The following PRR5 variants were observed in gnomAD, a reference collection of about 807,000 sequenced individuals.
PRR5 encodes the protein proline rich 5, also known as proline-rich protein 5.
Under a neutral mutation model 30.6 loss-of-function variants are expected in PRR5, and 25 were observed. That is an observed-to-expected ratio of 0.82 (90% CI 0.60 to 1.14). The LOEUF (loss-of-function observed/expected upper bound fraction) is 1.14, where lower values mean the gene tolerates loss of function less well. PRR5 is among the 50% of genes most tolerant of loss of function. The pLI is 0.00. For missense variants in PRR5, 600 were observed against 547.1 expected, an observed-to-expected ratio of 1.10 and a Z score of -0.96; for synonymous variants, 286 against 247.1, an observed-to-expected ratio of 1.16 and a Z score of -1.48.
intron 7 of PRR5, 139 bp downstream of exon 7, chr22:44,735,301 A>G: frequency 2.4e-6 from 3 of 1,276,396 alleles, no homozygotes; most frequent in South Asian, 3.0e-5. Flanking sequence ...AGCAGCCCCC[A>G]GCCTGCCATA....
At chr22:44,707,651 A>G (rs1927444847) in intron 1 of PRR5, among the ~76,000 whole-genome samples, 1 of 152,210 alleles carries the variant, frequency 6.6e-6, no homozygotes, top group African/African-American at 2.4e-5. Context: ...GGGGGTACCA[A>G]GCCCTCTGAG....
At chr22:44,682,404 C>T (rs1924376696) in intron 1 of PRR5, among the ~76,000 whole-genome samples, 1 of 152,196 alleles carries the variant, frequency 6.6e-6, no homozygotes. Flanking sequence ...TCTTCATCCA[C>T]CTTCCACCGT....
chr22:44,737,294 G>C lies in PRR5; in HGVS notation c.*47G>C, dbSNP rs372419317. 3 of 1,551,604 alleles carry C rather than the reference G, an allele frequency of 1.9e-6. No homozygotes were observed. The highest frequency in any genetic ancestry group is 2.3e-5 in the East Asian group (1 of 44,078). ...TTTTTACTGACACGTCCCTGTGTGC[G>C]GGGGTGTCCATGTGGCGTGTGTGTG... is the stretch of plus-strand genomic sequence containing the variant. On this transcript the variant is annotated 3_prime_UTR_variant, in exon 8 of 8. Transcript: ENST00000336985.
chr22:44,729,590 C>T, intron 4 of PRR5: 1 of 985,416 alleles, frequency 1.0e-6, no homozygotes, highest in Non-Finnish European at 1.2e-6. Flanking sequence ...ATAGAGGATG[C>T]CACTGAGTCC....
intron 6 of PRR5, chr22:44,734,524 C>T (rs1922832948): frequency 6.5e-6 from 1 of 153,576 alleles, no homozygotes; most frequent in Non-Finnish European, 1.5e-5. Flanking sequence ...CCCTTCAGAG[C>T]TCCGGATGAG....
At chr22:44,722,627 C>G (rs1007985565) in intron 2 of PRR5, among the ~76,000 whole-genome samples, 1 of 152,208 alleles carries the variant, frequency 6.6e-6, no homozygotes, top group Non-Finnish European at 1.5e-5. Context: ...AGTACAGCCA[C>G]CCCAAAAGGG....
chr22:44,688,931 TGAGCC>T (rs1601962614), intron 1 of PRR5, among the ~76,000 whole-genome samples: 1 of 152,148 alleles, frequency 6.6e-6, no homozygotes, highest in Non-Finnish European at 1.5e-5. Context: ...GAGGTTGCAG[TGAGCC>T]GAGATCACTC....
intron 1 of PRR5, among the ~76,000 whole-genome samples, chr22:44,710,795 A>C: frequency 6.6e-6 from 1 of 152,100 alleles, no homozygotes; most frequent in East Asian, 1.9e-4. Context: ...GTGACTGAGA[A>C]GCCACAGAGT....
chr22:44,725,148 C>T lies in PRR5; in HGVS notation c.216-96C>T. On this transcript the variant is annotated intron_variant, in intron 2 of 7. Transcript: ENST00000336985. ...TTTTGGGCTGGCTGAGCATGCTGATCTCCCCCTGCCCAGGAGGCCCCACCC... is the reference window on the plus strand; with the variant it reads ...TTTTGGGCTGGCTGAGCATGCTGATTTCCCCCTGCCCAGGAGGCCCCACCC... 3.8e-6 allele frequency: 6 copies of T among 1,560,422 alleles called. No individual in the cohort carries two copies. In the South Asian group the frequency reaches 5.7e-5, roughly 15 times the overall value.
upstream of PRR5, among the ~76,000 whole-genome samples, chr22:44,700,601 G>T (rs1926171737): frequency 6.6e-6 from 1 of 152,134 alleles, no homozygotes; most frequent in African/African-American, 2.4e-5. Flanking sequence ...TTCAACCTGG[G>T]CCAAAAAGTG....
intron 2 of PRR5, among the ~76,000 whole-genome samples, chr22:44,723,011 A>G (rs191120460): frequency 1.0e-3 from 150 of 149,856 alleles, no homozygotes; most frequent in Non-Finnish European, 1.7e-3. Context: ...TTTGAGACAG[A>G]GACTCGCTCT....
chr22:44,733,466 G>C (rs1456467839), intron 6 of PRR5, among the ~76,000 whole-genome samples: 1 of 152,146 alleles, frequency 6.6e-6, no homozygotes, highest in Non-Finnish European at 1.5e-5. Flanking sequence ...GAGGACACTC[G>C]GGACCCTCAC....
In PRR5 at chr22:44,729,841, C is replaced by G. The variant is rs564902060; in HGVS notation, c.323-1889C>G. On this transcript the variant is annotated intron_variant, in intron 4 of 7. Coordinates refer to ENST00000336985, the MANE Select transcript of PRR5 (RefSeq NM_181333.4). ...CAGCCTGCGCTGAGCAGAACGCAGGCCTGGCCGGTGCCCAGAGCCACCCCC... is the reference window on the plus strand; with the variant it reads ...CAGCCTGCGCTGAGCAGAACGCAGGGCTGGCCGGTGCCCAGAGCCACCCCC... 134 of 985,486 alleles carry G rather than the reference C, an allele frequency of 1.4e-4. No homozygotes were observed. The South Asian group carries it at 1.6e-3, about 12-fold the overall frequency. The allele number at this position is 985,486 out of a possible 1,614,324, so 61.0% of individuals were successfully genotyped here.
chr22:44,697,207 C>T (rs187460628), upstream of PRR5, among the ~76,000 whole-genome samples: 6 of 152,318 alleles, frequency 3.9e-5, no homozygotes, highest in East Asian at 9.7e-4. Context: ...CCACCAGGTC[C>T]GGTGGCCTGG....
chr22:44,733,198 C>A (rs1922552156), intron 6 of PRR5, among the ~76,000 whole-genome samples: 1 of 152,234 alleles, frequency 6.6e-6, no homozygotes, highest in Admixed American at 6.5e-5. Flanking sequence ...GTGGGGCCCC[C>A]AGTGGCATCC....
At chr22:44,716,770 A>G (rs1287677234) in intron 2 of PRR5, among the ~76,000 whole-genome samples, 1 of 152,128 alleles carries the variant, frequency 6.6e-6, no homozygotes, top group African/African-American at 2.4e-5. Context: ...CATTAAACTC[A>G]GTGACATTAG....
chr22:44,706,535 G>T (rs906960492), intron 1 of PRR5, among the ~76,000 whole-genome samples: 3 of 151,986 alleles, frequency 2.0e-5, no homozygotes, highest in Non-Finnish European at 2.9e-5. Context: ...GAAATGTTTG[G>T]TTTTTCTCTT....
At chr22:44,676,495 G>A (rs1255077976), upstream of PRR5, among the ~76,000 whole-genome samples, 1 of 151,732 alleles carries the variant, frequency 6.6e-6, no homozygotes, top group Admixed American at 6.6e-5. Context: ...CCTCCCCACA[G>A]TCACACAGCA....
upstream of PRR5, among the ~76,000 whole-genome samples, chr22:44,673,192 A>G (rs1345474714): frequency 6.6e-6 from 1 of 152,240 alleles, no homozygotes; most frequent in East Asian, 1.9e-4. Flanking sequence ...GCCTGGGGGC[A>G]TAGCCCCCAC....
Sources: allele counts gnomAD v4.1 joint callset (sites outside exome capture counted in the v4.1 genomes callset), GRCh38; gene constraint gnomAD v4.1.1; transcripts MANE v1.5; gene names NCBI Gene and HGNC (gene_info 2026-07-23, HGNC 2026-07-21).